RNF138: variants seen among roughly 807,000 people sequenced by gnomAD.
The protein encoded by RNF138 is ring finger protein 138.
RNF138 carries 12 observed loss-of-function variants against 31.0 expected under a neutral mutation model. The ratio of observed to expected loss-of-function variants is 0.39; its 90% CI spans 0.25 to 0.63. The LOEUF (loss-of-function observed/expected upper bound fraction) is 0.63, where lower values mean the gene tolerates loss of function less well. Among genes scored for constraint, RNF138 ranks in the 20% least tolerant of loss-of-function variants. The pLI, the probability that RNF138 is intolerant of heterozygous loss-of-function variation, is 0.52. For synonymous variants in RNF138, 105 were observed against 99.5 expected (o/e 1.06, Z -0.33); for missense variants, 192 against 300.1 (o/e 0.64, Z 2.66).
At chr18:32,106,629 A>G (rs1325241337) in intron 2 of RNF138, among the ~76,000 whole-genome samples, 3 of 151,688 alleles carry the variant, frequency 2.0e-5, no homozygotes, top group Non-Finnish European at 4.4e-5. Flanking sequence ...CAGTTGTGCG[A>G]TCTCGGTTCA....
intron 4 of RNF138, among the ~76,000 whole-genome samples, chr18:32,118,985 C>G (rs2040261160): frequency 6.6e-6 from 1 of 151,988 alleles, no homozygotes; most frequent in Admixed American, 6.6e-5. Flanking sequence ...TTATATCATG[C>G]CTGAGAAATT....
At chr18:32,092,939 C>A in intron 2 of RNF138, 53 bp downstream of exon 2, 1 of 1,110,710 alleles carries the variant, frequency 9.0e-7, no homozygotes. Context: ...TTAGGCCCGG[C>A]CTCCGGCCCG....
rs1598854868 is a variant in RNF138 at position 32,111,008 on chromosome 18, CT to C, written c.111-745del. On this transcript the variant is annotated intron_variant, in intron 2 of 7. Coordinates refer to ENST00000261593, the MANE Select transcript of RNF138 (RefSeq NM_016271.5). ...TGGTAGCCAGAATGGTCTTGATCTC[CT>C]GACCACGTGATCCGCCTGCTTCAGC... is the stretch of plus-strand genomic sequence containing the variant. 2.0e-5 allele frequency among the ~76,000 whole-genome samples: 3 copies of C among 152,326 alleles called. No homozygotes were observed. The East Asian group carries it at 5.8e-4, about 29-fold the overall frequency.
At chr18:32,115,744 AAAAC>A (rs1158056467) in intron 4 of RNF138, among the ~76,000 whole-genome samples, 4 of 152,196 alleles carry the variant, frequency 2.6e-5, no homozygotes, top group South Asian at 2.1e-4. Context: ...GACTCCGTCT[AAAAC>A]ACACACACAC....
In RNF138 at chr18:32,092,108, G is replaced by C. The variant is rs2039699913; in HGVS notation, c.-205G>C. On this transcript the variant is annotated 5_prime_UTR_variant, in exon 1 of 8. Coordinates refer to ENST00000261593, the MANE Select transcript of RNF138 (RefSeq NM_016271.5). ...GCACAGCGCACGCCGCCCTCCATTT[G>C]CCCCGGGGCCTCGGCTGCGAAGATA... 1 of 152,830 alleles carries C rather than the reference G, an allele frequency of 6.5e-6. No homozygotes were observed. The highest frequency in any genetic ancestry group is 1.5e-5 in the Non-Finnish European group (1 of 68,406). 9.5% of individuals were successfully genotyped at this position (152,830 alleles called of 1,614,324 possible). A position where few individuals can be genotyped will look rare whatever the true frequency, so the allele number is the denominator to read the frequency against.
chr18:32,107,609 C>T (rs1214116220), intron 2 of RNF138, among the ~76,000 whole-genome samples: 2 of 152,066 alleles, frequency 1.3e-5, no homozygotes, highest in Non-Finnish European at 2.9e-5. Context: ...CAACCTCTGC[C>T]TCCCAGGTTC....
Position 32,111,715 on chromosome 18 carries a change from AT to A in RNF138, c.111-31del, listed in dbSNP as rs145622518. On this transcript the variant is annotated intron_variant, in intron 2 of 7. Coordinates refer to ENST00000261593, the MANE Select transcript of RNF138 (RefSeq NM_016271.5). ...TTTAATTATAGAGATGAAGAGAGTAATTTTTTTTGTAATTAATGTGTCACAA... is the reference window on the plus strand; with the variant it reads ...TTTAATTATAGAGATGAAGAGAGTAATTTTTTTGTAATTAATGTGTCACAA... 8,509 of 1,531,492 alleles carry A rather than the reference AT, an allele frequency of 5.6e-3. 411 individuals are homozygous for A. The African/African-American group carries it at 0.1, about 18-fold the overall frequency. The allele number at this position is 1,531,492 out of a possible 1,614,324, so 94.9% of individuals were successfully genotyped here. A position where few individuals can be genotyped will look rare whatever the true frequency, so the allele number is the denominator to read the frequency against.
chr18:32,123,248 T>C (rs1339924077), intron 4 of RNF138, among the ~76,000 whole-genome samples: 1 of 152,124 alleles, frequency 6.6e-6, no homozygotes, highest in Non-Finnish European at 1.5e-5. Flanking sequence ...TCTGTAACTG[T>C]GCATAAGTTA....
chr18:32,094,458 T>C (rs188350516), intron 2 of RNF138, among the ~76,000 whole-genome samples: 1 of 152,228 alleles, frequency 6.6e-6, no homozygotes, highest in Non-Finnish European at 1.5e-5. Flanking sequence ...TGACATCTTG[T>C]TATTTTGTGC....
rs2040478987 is a variant in RNF138, at chr18:32,131,506, A to G, written c.*2319A>G. On this transcript the variant is annotated 3_prime_UTR_variant, in exon 8 of 8. Transcript: ENST00000261593. ...CAAATTACAGTTTTATTGTTAAAACAGAGTCTTATTTGAGATGTATTGCTT... is the reference window on the plus strand; with the variant it reads ...CAAATTACAGTTTTATTGTTAAAACGGAGTCTTATTTGAGATGTATTGCTT... The G allele has an allele frequency of 6.6e-6, 1 of 152,212 alleles. No homozygotes were observed. The highest frequency in any genetic ancestry group is 2.4e-5 in the African/African-American group (1 of 41,450). The allele number at this position is 152,212 out of a possible 1,614,324, so 9.4% of individuals were successfully genotyped here. A position where few individuals can be genotyped will look rare whatever the true frequency, so the allele number is the denominator to read the frequency against.
At position 32,107,637 on chromosome 18, in the gene RNF138, C is replaced by A. The variant is rs956792897; in HGVS notation, c.111-4117C>A. ...CCAGGTTCAAGTGATTCTCCTACCT[C>A]AGCCTCCCAAGTAGCTAGGATTACA... On this transcript the variant is annotated intron_variant, in intron 2 of 7. Transcript: ENST00000261593. Among the ~76,000 whole-genome samples the A allele has an allele frequency of 1.3e-4, 19 of 151,802 alleles. No homozygotes were observed. In the South Asian group the frequency reaches 2.5e-3, roughly 20 times the overall value.
intron 4 of RNF138, among the ~76,000 whole-genome samples, chr18:32,120,119 G>GT (rs2144270569): frequency 6.6e-6 from 1 of 152,042 alleles, no homozygotes; most frequent in Admixed American, 6.6e-5. Flanking sequence ...ACCTTTTCTT[G>GT]TTCCTGATTT....
chr18:32,093,035 C>G, intron 2 of RNF138, 149 bp downstream of exon 2: 1 of 472,882 alleles, frequency 2.1e-6, no homozygotes, highest in East Asian at 3.7e-5. Context: ...TTCCCCGCCC[C>G]TCAGAGTCCC....
chr18:32,116,481 TAGTC>T (rs1189423315), intron 4 of RNF138, among the ~76,000 whole-genome samples: 1 of 152,082 alleles, frequency 6.6e-6, no homozygotes, highest in Non-Finnish European at 1.5e-5. Context: ...TGTGGATTTT[TAGTC>T]AGTAAGAAAA....
chr18:32,097,538 C>T (rs1322615673), intron 2 of RNF138, among the ~76,000 whole-genome samples: 1 of 151,990 alleles, frequency 6.6e-6, no homozygotes, highest in Non-Finnish European at 1.5e-5. Context: ...GGCTGGAGTG[C>T]AGTGGTGGGA....
rs757460398 is a variant in RNF138 at position 32,130,569 on chromosome 18, A to AAAAG, written c.*1388_*1391dup. 6 of 152,526 alleles carry AAAAG rather than the reference A, an allele frequency of 3.9e-5. No homozygotes were observed. The highest frequency in any genetic ancestry group is 4.2e-4 in the South Asian group (2 of 4,812). The allele number at this position is 152,526 out of a possible 1,614,324, so 9.4% of individuals were successfully genotyped here. On this transcript the variant is annotated 3_prime_UTR_variant, in exon 8 of 8. Transcript: ENST00000261593. The stretch of plus-strand genomic sequence containing the variant: ...TTCTTTAAAATAACTAGAAGAACAT[A>AAAAG]AAAGAAAGAGAATCTCAGAAGTAGT...
chr18:32,122,198 T>A (rs1006603555), intron 4 of RNF138, among the ~76,000 whole-genome samples: 2 of 152,102 alleles, frequency 1.3e-5, no homozygotes, highest in African/African-American at 4.8e-5. Flanking sequence ...GAAGTCTGCT[T>A]GCTCGCTTGG....
chr18:32,107,190 G>T (rs1188377130), intron 2 of RNF138, among the ~76,000 whole-genome samples: 1 of 134,824 alleles, frequency 7.4e-6, no homozygotes, highest in African/African-American at 2.9e-5. Context: ...GCGCGATCTC[G>T]GCTCCCTGCA....
rs771639268 is a variant in RNF138 at position 32,113,753 on chromosome 18, C to T, written c.285C>T (p.Phe95=). 4.3e-6 allele frequency: 6 copies of T among 1,382,010 alleles called. No individual in the cohort carries two copies. The highest frequency in any genetic ancestry group is 5.9e-6 in the Non-Finnish European group (6 of 1,014,230). 85.6% of individuals were successfully genotyped at this position (1,382,010 alleles called of 1,614,324 possible). A position where few individuals can be genotyped will look rare whatever the true frequency, so the allele number is the denominator to read the frequency against. Residue 95 remains phenylalanine (F), a synonymous_variant, in exon 4 of 8, where the codon TTC becomes TTT. Coordinates refer to ENST00000261593, the MANE Select transcript of RNF138 (RefSeq NM_016271.5). ...ATTTTAATAATTTACAGATTAAATT[C>T]TATCGCATGAGACATCATTACAAAT... ...SCRCCAKQIK[F]YRMRHHYKSC...
Sources: gnomAD v4.1 joint callset for allele counts (sites outside exome capture counted in the v4.1 genomes callset) on GRCh38, gnomAD v4.1.1 for gene constraint, MANE v1.5 for transcripts, NCBI Gene and HGNC (gene_info 2026-07-23, HGNC 2026-07-21) for gene names.